The following GALNT7 variants were observed in gnomAD, a reference collection of about 807,000 sequenced individuals.
GALNT7 encodes the protein N-acetylgalactosaminyltransferase 7.
GALNT7 carries 60 observed loss-of-function variants against 82.1 expected under a neutral mutation model. The observed-to-expected ratio is 0.73, with a 90% confidence interval of 0.59 to 0.91. The LOEUF (loss-of-function observed/expected upper bound fraction) is 0.91, where lower values mean the gene tolerates loss of function less well. Ranked by LOEUF, GALNT7 falls within the 40% of genes least tolerant of loss-of-function variation. The pLI is 0.00. For synonymous variants in GALNT7, 243 were observed against 275.1 expected (o/e 0.88, Z 1.15); for missense variants, 660 against 804.2 (o/e 0.82, Z 2.17).
chr4:173,262,296 C>A (rs1201231263), intron 2 of GALNT7, among the ~76,000 whole-genome samples: 1 of 152,040 alleles, frequency 6.6e-6, no homozygotes, highest in African/African-American at 2.4e-5. Context: ...TAAAAAAGAA[C>A]CTTTAGTACT....
At position 173,301,692 on chromosome 4, in the gene GALNT7, C is replaced by T. The variant is rs542896534; in HGVS notation, c.1149-355C>T. 1.9e-4 allele frequency among the ~76,000 whole-genome samples: 29 copies of T among 152,336 alleles called. No homozygotes were observed. The South Asian group carries it at 5.6e-3, about 29-fold the overall frequency. ...CAATGCAGGAGCAGTTAGCAGACCA[C>T]GGCTGTATGGCTCAGTGTTTTTAAG... On this transcript the variant is annotated intron_variant, in intron 6 of 11. Transcript: ENST00000265000.
chr4:173,250,404 C>T (rs887602620), intron 2 of GALNT7, among the ~76,000 whole-genome samples: 2 of 152,086 alleles, frequency 1.3e-5, no homozygotes, highest in Middle Eastern at 3.2e-3. Flanking sequence ...AGGCTTAAAG[C>T]AGGGCACAGG....
intron 1 of GALNT7, among the ~76,000 whole-genome samples, chr4:173,176,072 CA>C (rs369527302): frequency 0.065 from 9,048 of 139,840 alleles, 749 homozygotes; most frequent in African/African-American, 0.19. Flanking sequence ...GACTCCATCT[CA>C]AAAAAAAAAA....
At chr4:173,271,162 G>A (rs1735707896) in intron 2 of GALNT7, among the ~76,000 whole-genome samples, 1 of 152,168 alleles carries the variant, frequency 6.6e-6, no homozygotes. Flanking sequence ...GTCTAATTCT[G>A]TTAGTAAGTT....
chr4:173,268,265 A>T (rs1285114270), intron 2 of GALNT7: 2 of 153,274 alleles, frequency 1.3e-5, no homozygotes, highest in Non-Finnish European at 2.9e-5. Context: ...CTATTTAAAG[A>T]CACTTTATTT....
chr4:173,312,716 A>C (rs1737432341), intron 8 of GALNT7, among the ~76,000 whole-genome samples: 2 of 152,272 alleles, frequency 1.3e-5, no homozygotes, highest in South Asian at 4.1e-4. Context: ...TTTGTCAGCT[A>C]TCACAGTGTC....
chr4:173,296,857 T>A (rs1736734754), intron 5 of GALNT7, among the ~76,000 whole-genome samples: 1 of 152,178 alleles, frequency 6.6e-6, no homozygotes, highest in Non-Finnish European at 1.5e-5. Context: ...ACAATGACCC[T>A]CCAGTTCACA....
chr4:173,267,665 A>G (rs1735553632), intron 2 of GALNT7, among the ~76,000 whole-genome samples: 2 of 152,220 alleles, frequency 1.3e-5, no homozygotes. Flanking sequence ...AAGTTCATAA[A>G]TACACATGAG....
In GALNT7 at chr4:173,321,814, T is replaced by C. The variant is rs1472173524; in HGVS notation, c.*97T>C. The C allele has an allele frequency of 1.3e-6, 1 of 760,018 alleles. No homozygotes were observed. The highest frequency in any genetic ancestry group is 1.8e-5 in the African/African-American group (1 of 57,010). 47.1% of individuals were successfully genotyped at this position (760,018 alleles called of 1,614,324 possible). ...CTGCTGCAACTATTGTTATTAACTC[T>C]GTATAGCTCCAAACCTGGAACCTCC... On this transcript the variant is annotated 3_prime_UTR_variant, in exon 12 of 12. Coordinates refer to ENST00000265000, the MANE Select transcript of GALNT7 (RefSeq NM_017423.3).
chr4:173,261,556 C>G (rs1193742518), intron 2 of GALNT7, among the ~76,000 whole-genome samples: 1 of 152,206 alleles, frequency 6.6e-6, no homozygotes, highest in Non-Finnish European at 1.5e-5. Context: ...GCAGCTCACG[C>G]CTGTAATCCC....
chr4:173,301,003 T>C (rs1217713773), intron 6 of GALNT7, among the ~76,000 whole-genome samples: 2 of 151,872 alleles, frequency 1.3e-5, no homozygotes, highest in African/African-American at 4.8e-5. Context: ...GATGTGTTGG[T>C]GTGCGCTTGT....
intron 6 of GALNT7, 136 bp downstream of exon 6, chr4:173,298,433 GT>G (rs1278186367): frequency 2.0e-5 from 12 of 614,918 alleles, no homozygotes; most frequent in African/African-American, 1.9e-4. Context: ...TCCTTACACT[GT>G]TTCAGAGCTT....
chr4:173,250,704 C>T (rs565972980), intron 2 of GALNT7, among the ~76,000 whole-genome samples: 2 of 152,148 alleles, frequency 1.3e-5, no homozygotes, highest in Non-Finnish European at 2.9e-5. Context: ...CTGTGCCTTC[C>T]CATTGCACTT....
At chr4:173,178,741 C>A (rs558887506) in intron 1 of GALNT7, among the ~76,000 whole-genome samples, 1 of 152,286 alleles carries the variant, frequency 6.6e-6, no homozygotes, top group Admixed American at 6.5e-5. Flanking sequence ...TGGTGCAGAG[C>A]AGCCTGGTTT....
intron 1 of GALNT7, among the ~76,000 whole-genome samples, chr4:173,230,734 T>A (rs1402468193): frequency 6.6e-6 from 1 of 152,184 alleles, no homozygotes; most frequent in Admixed American, 6.5e-5. Flanking sequence ...TGAGGGGTTT[T>A]CTCCCTTTCT....
rs1736589145 is a variant in GALNT7, at chr4:173,292,737, A to G, written c.754+463A>G. ...AAACTGTACACATATGTTAGCACGAATAAATAGAAATATGGCCTATTTTTC... is the reference window on the plus strand; with the variant it reads ...AAACTGTACACATATGTTAGCACGAGTAAATAGAAATATGGCCTATTTTTC... On this transcript the variant is annotated intron_variant, in intron 3 of 11. Coordinates refer to ENST00000265000, the MANE Select transcript of GALNT7 (RefSeq NM_017423.3). This position sits in a 1 kb window ranked among gnomAD's most constrained non-coding sequence, Gnocchi z 4.8. Among the ~76,000 whole-genome samples, 2 of 152,206 alleles carry G rather than the reference A, an allele frequency of 1.3e-5. No homozygotes were observed. Among genetic ancestry groups the G allele is most frequent in the African/African-American group, 2.4e-5 (1 of 41,468 alleles).
At chr4:173,297,826 A>T (rs1026654281) in intron 5 of GALNT7, 1 of 1,467,430 alleles carries the variant, frequency 6.8e-7, no homozygotes, top group East Asian at 2.5e-5. Context: ...AATAGATTAC[A>T]TAGATGGGAA....
intron 1 of GALNT7, chr4:173,169,594 C>T (rs1347807324): frequency 6.6e-6 from 1 of 151,610 alleles, no homozygotes; most frequent in Non-Finnish European, 1.5e-5. Context: ...TCAACTCCGG[C>T]GGCGGGGAGC....
At chr4:173,254,806 G>A in intron 2 of GALNT7, among the ~76,000 whole-genome samples, 1 of 152,150 alleles carries the variant, frequency 6.6e-6, no homozygotes, top group Admixed American at 6.5e-5. Flanking sequence ...ATTTGAAAGT[G>A]GTTTCACATG....
Sources: allele counts gnomAD v4.1 joint callset (sites outside exome capture counted in the v4.1 genomes callset), GRCh38; gene constraint gnomAD v4.1.1; non-coding constraint Gnocchi (gnomAD v3.1); transcripts MANE v1.5; gene names NCBI Gene and HGNC (gene_info 2026-07-23, HGNC 2026-07-21).